The following TTLL4 variants were observed in gnomAD, a reference collection of about 807,000 sequenced individuals.
TTLL4 encodes the protein tubulin tyrosine ligase like 4.
A neutral mutation model predicts 122.7 loss-of-function variants in TTLL4; 85 were observed. The observed-to-expected ratio is 0.69, with a 90% CI of 0.58 to 0.83. TTLL4 has a LOEUF of 0.83. TTLL4 is among the 40% of genes least tolerant of loss of function. The probability of loss-of-function intolerance (pLI) is 0.00; values close to 1 mark genes in which losing one functional copy is unlikely to be tolerated. For synonymous variants in TTLL4, 553 were observed against 563.0 expected (o/e 0.98, Z 0.25); for missense variants, 1,363 against 1,488.6 (o/e 0.92, Z 1.39).
Position 218,754,119 on chromosome 2 carries a change from A to G in TTLL4, c.3345-15A>G. 6.2e-7 allele frequency: 1 copy of G among 1,613,856 alleles called. No homozygotes were observed. The highest frequency in any genetic ancestry group is 8.5e-7 in the Non-Finnish European group (1 of 1,179,926). ...CAGTGTCTCAGTCATTTCTTTCACC[A>G]CCTATTCCCTCCAGAAAACAAAGCT... On this transcript the variant is annotated splice_polypyrimidine_tract_variant and intron_variant, in intron 19 of 19. Transcript: ENST00000392102.
chr2:218,753,228 T>G, intron 18 of TTLL4, 43 bp downstream of exon 18: 1 of 1,607,806 alleles, frequency 6.2e-7, no homozygotes, highest in South Asian at 1.1e-5. Context: ...CTCAGGCCCC[T>G]CCCTCCTCTG....
intron 1 of TTLL4, among the ~76,000 whole-genome samples, chr2:218,716,828 C>T (rs942263916): frequency 6.6e-6 from 1 of 152,066 alleles, no homozygotes; most frequent in African/African-American, 2.4e-5. Context: ...TCAAGTAAAC[C>T]TGGTTGTATT....
chr2:218,741,519 T>G (rs1478972234), intron 5 of TTLL4, among the ~76,000 whole-genome samples: 1 of 152,080 alleles, frequency 6.6e-6, no homozygotes, highest in East Asian at 1.9e-4. Flanking sequence ...AGCACACCAA[T>G]TTTAGAGCCC....
At chr2:218,748,418 G>GCCTC in intron 12 of TTLL4, 191 bp downstream of exon 12, 1 of 867,318 alleles carries the variant, frequency 1.2e-6, no homozygotes, top group Non-Finnish European at 1.7e-6. Context: ...ACTTTGGGAG[G>GCCTC]CCAAGGTGGG....
At chr2:218,746,869 A>T in intron 8 of TTLL4, 134 bp from the exon 9 acceptor site, 1 of 897,616 alleles carries the variant, frequency 1.1e-6, no homozygotes, top group Non-Finnish European at 1.7e-6. Context: ...GAGGACCATT[A>T]GGGTGGTGAT....
At chr2:218,744,414 C>T (rs1020093027) in intron 5 of TTLL4, among the ~76,000 whole-genome samples, 4 of 152,192 alleles carry the variant, frequency 2.6e-5, no homozygotes, top group African/African-American at 9.7e-5. Flanking sequence ...CCCCTTGAGA[C>T]AGCCTTGGCC....
intron 1 of TTLL4, among the ~76,000 whole-genome samples, chr2:218,722,697 A>G (rs1393801579): frequency 6.6e-6 from 1 of 152,226 alleles, no homozygotes; most frequent in Non-Finnish European, 1.5e-5. Context: ...GTGTTTTAAA[A>G]AGAGTACTGT....
At chr2:218,730,327 A>G (rs1193303792) in intron 2 of TTLL4, among the ~76,000 whole-genome samples, 4 of 50,674 alleles carry the variant, frequency 7.9e-5, no homozygotes, top group Admixed American at 1.9e-4. Context: ...AAAAAAAAAA[A>G]AAAAAAAAAA....
intron 3 of TTLL4, among the ~76,000 whole-genome samples, 159 bp from the exon 4 acceptor site, chr2:218,739,899 G>C (rs547656695): frequency 2.6e-5 from 4 of 152,222 alleles, no homozygotes; most frequent in Non-Finnish European, 5.9e-5. Context: ...CTAGACCTAA[G>C]CTTTGAAGAC....
At chr2:218,752,015 C>T (rs1398824347) in intron 16 of TTLL4, among the ~76,000 whole-genome samples, 4 of 145,374 alleles carry the variant, frequency 2.8e-5, no homozygotes, top group Non-Finnish European at 4.5e-5. Context: ...TCAAGTGATT[C>T]TCCTGCCTCA....
At chr2:218,750,383 C>T (rs1264686322) in intron 15 of TTLL4, among the ~76,000 whole-genome samples, 1 of 152,180 alleles carries the variant, frequency 6.6e-6, no homozygotes, top group Non-Finnish European at 1.5e-5. Flanking sequence ...ACATCTTAGG[C>T]ACACTGGTGT....
At chr2:218,730,233 C>T (rs571148239) in intron 2 of TTLL4, among the ~76,000 whole-genome samples, 15 of 139,218 alleles carry the variant, frequency 1.1e-4, no homozygotes, top group African/African-American at 2.4e-4. Context: ...TTTGGGAGGC[C>T]GAGGTGGGCA....
chr2:218,725,394 T>C (rs755117728), intron 1 of TTLL4, among the ~76,000 whole-genome samples: 26 of 150,818 alleles, frequency 1.7e-4, no homozygotes, highest in Non-Finnish European at 3.7e-4. Flanking sequence ...TAATTTTTTA[T>C]GGTTTTTTTT....
At chr2:218,750,703 C>T (rs1468583911) in intron 15 of TTLL4, among the ~76,000 whole-genome samples, 1 of 152,172 alleles carries the variant, frequency 6.6e-6, no homozygotes, top group Non-Finnish European at 1.5e-5. Flanking sequence ...GGTCCAGTCT[C>T]CTCTCTGAAA....
intron 1 of TTLL4, among the ~76,000 whole-genome samples, chr2:218,722,700 A>T (rs1031387227): frequency 2.0e-5 from 3 of 152,242 alleles, no homozygotes; most frequent in African/African-American, 7.2e-5. Flanking sequence ...TTTTAAAAAG[A>T]GTACTGTGTT....
chr2:218,719,239 C>G (rs1941962056), intron 1 of TTLL4, among the ~76,000 whole-genome samples: 1 of 152,000 alleles, frequency 6.6e-6, no homozygotes, highest in African/African-American at 2.4e-5. Context: ...CAGCGTGGCT[C>G]TGTATTTGAG....
Position 218,747,958 on chromosome 2 carries a change from C to A in TTLL4, c.2379-147C>A. On this transcript the variant is annotated intron_variant, in intron 11 of 19. Transcript: ENST00000392102. The surrounding 1 kb of genome is among the most constrained non-coding windows in gnomAD (Gnocchi z 4.7). Reference sequence around the variant, plus strand: ...TTAGCTGTGGTTTTTCAGAACTTTGCCAGTAGACACACTTCTCAGGCTCTT... The same window carrying A: ...TTAGCTGTGGTTTTTCAGAACTTTGACAGTAGACACACTTCTCAGGCTCTT... The A allele has an allele frequency of 8.1e-7, 1 of 1,227,640 alleles. No individual in the cohort carries two copies. The highest frequency in any genetic ancestry group is 1.1e-6 in the Non-Finnish European group (1 of 874,296). The allele number at this position is 1,227,640 out of a possible 1,614,324, so 76.0% of individuals were successfully genotyped here.
In TTLL4 at chr2:218,748,167, A is replaced by G. The variant is rs1210402606; in HGVS notation, c.2441A>G (p.Asn814Ser). 2 of 1,614,198 alleles carry G rather than the reference A, an allele frequency of 1.2e-6. No individual in the cohort carries two copies. The highest frequency in any genetic ancestry group is 2.2e-5 in the South Asian group (2 of 91,088). Residue 814 changes from asparagine (N) to serine (S), a missense_variant, in exon 12 of 20, where the codon AAT becomes AGT. Coordinates refer to ENST00000392102, the MANE Select transcript of TTLL4 (RefSeq NM_014640.5). ...KFMHLTNYSVNKKNAEYQANA... is the reference protein window; with the variant it reads ...KFMHLTNYSVSKKNAEYQANA... Reference sequence around the variant, plus strand: ...ATGCACCTGACCAACTACAGTGTCAATAAAAAGAATGCCGAGTACCAGGCC... The same window carrying G: ...ATGCACCTGACCAACTACAGTGTCAGTAAAAAGAATGCCGAGTACCAGGCC...
At chr2:218,736,849 C>CT (rs776690140) in intron 2 of TTLL4, among the ~76,000 whole-genome samples, 61,053 of 139,366 alleles carry the variant, frequency 0.44, 13,684 homozygotes, top group Non-Finnish European at 0.47. Context: ...TTCAGATCGT[C>CT]TTTTTTTTTT....
Sources: gnomAD v4.1 joint callset for allele counts (sites outside exome capture counted in the v4.1 genomes callset) on GRCh38, gnomAD v4.1.1 for gene constraint, Gnocchi (gnomAD v3.1) non-coding constraint, MANE v1.5 for transcripts, NCBI Gene and HGNC (gene_info 2026-07-23, HGNC 2026-07-21) for gene names.